VEZT: variants seen among roughly 807,000 people sequenced by gnomAD.
VEZT encodes vezatin, adherens junctions transmembrane protein, also known as vezatin.
Under a neutral mutation model 79.9 loss-of-function variants are expected in VEZT, and 39 were observed. That is an observed-to-expected ratio of 0.49 (90% confidence interval 0.38 to 0.64). The LOEUF (loss-of-function observed/expected upper bound fraction) is 0.64, where lower values mean the gene tolerates loss of function less well. Among genes scored for constraint, VEZT ranks in the 30% least tolerant of loss-of-function variants. The probability of loss-of-function intolerance (pLI) is 0.00; values close to 1 mark genes in which losing one functional copy is unlikely to be tolerated. For missense variants in VEZT, 837 were observed against 893.1 expected, an observed-to-expected ratio of 0.94 and a Z score of 0.80; for synonymous variants, 325 against 327.6, an observed-to-expected ratio of 0.99 and a Z score of 0.09.
intron 1 of VEZT, among the ~76,000 whole-genome samples, chr12:95,219,969 G>A (rs999097915): frequency 3.9e-5 from 6 of 152,104 alleles, no homozygotes; most frequent in Admixed American, 1.3e-4. Context: ...ATTGACTTGC[G>A]TGAGTTCTTC....
chr12:95,222,934 A>C (rs1263530861), intron 1 of VEZT, among the ~76,000 whole-genome samples: 1 of 152,220 alleles, frequency 6.6e-6, no homozygotes, highest in Non-Finnish European at 1.5e-5. Flanking sequence ...TGGGGAAAAG[A>C]GACTGAATGT....
chr12:95,282,372 A>G lies in VEZT; in HGVS notation c.1056A>G (p.Leu352=). ...AGTTCTTCAGACGGTTAGCCCTATT[A>G]CTTTCTACAGCCAATTCACCTCCTG... ...SSEFFRRLAL[L]LSTANSPPGP... The change falls in exon 8 of 12, where the codon TTA becomes TTG. Residue 352 remains leucine (L), a synonymous_variant. Coordinates refer to ENST00000436874, the MANE Select transcript of VEZT (RefSeq NM_017599.4). The G allele has an allele frequency of 6.2e-7, 1 of 1,613,776 alleles. No individual in the cohort carries two copies. The highest frequency in any genetic ancestry group is 2.2e-5 in the East Asian group (1 of 44,894).
chr12:95,254,312 G>T (rs1219506857), intron 2 of VEZT, among the ~76,000 whole-genome samples: 2 of 147,554 alleles, frequency 1.4e-5, no homozygotes, highest in African/African-American at 5.0e-5. Context: ...TTTAACTGTA[G>T]GATCTATATT....
intron 5 of VEZT, among the ~76,000 whole-genome samples, chr12:95,268,187 A>AG (rs2065883535): frequency 6.6e-6 from 1 of 151,960 alleles, no homozygotes; most frequent in Non-Finnish European, 1.5e-5. Flanking sequence ...GTTTAAAAAA[A>AG]TCATGCTTAA....
chr12:95,282,049 T>C (rs1411728427), intron 7 of VEZT, among the ~76,000 whole-genome samples: 1 of 152,074 alleles, frequency 6.6e-6, no homozygotes, highest in African/African-American at 2.4e-5. Context: ...AATTATCTCA[T>C]TCCATCAACA....
chr12:95,257,792 A>G (rs957423098), intron 3 of VEZT, among the ~76,000 whole-genome samples: 2 of 152,212 alleles, frequency 1.3e-5, no homozygotes, highest in Non-Finnish European at 2.9e-5. Context: ...ACAAGTAAGC[A>G]GGTTTCAGGA....
chr12:95,243,063 GGA>G (rs745835182), intron 1 of VEZT, among the ~76,000 whole-genome samples: 2 of 151,936 alleles, frequency 1.3e-5, no homozygotes, highest in Non-Finnish European at 2.9e-5. Context: ...GTATTTTAAG[GGA>G]GAGAATACTA....
intron 7 of VEZT, among the ~76,000 whole-genome samples, chr12:95,281,811 G>T (rs1012204482): frequency 3.3e-5 from 5 of 152,086 alleles, no homozygotes; most frequent in African/African-American, 7.2e-5. Context: ...CTCCCAAAGT[G>T]AGCCACTGCG....
intron 8 of VEZT, chr12:95,286,401 C>T (rs1428424960): frequency 2.0e-6 from 1 of 509,562 alleles, no homozygotes; most frequent in Admixed American, 2.4e-5. Context: ...GTGCCAGCAC[C>T]AAGTCTGCCT....
chr12:95,278,446 G>A (rs1161124443), intron 7 of VEZT, among the ~76,000 whole-genome samples: 1 of 152,172 alleles, frequency 6.6e-6, no homozygotes, highest in African/African-American at 2.4e-5. Flanking sequence ...TCTGAAAGGA[G>A]CCTTATCTTG....
intron 1 of VEZT, among the ~76,000 whole-genome samples, chr12:95,248,921 G>A (rs558025241): frequency 3.9e-5 from 6 of 152,096 alleles, no homozygotes; most frequent in Admixed American, 6.5e-5. Flanking sequence ...ATTTGCCACC[G>A]TGACCCGTAC....
At chr12:95,272,726 C>T (rs2066873823) in intron 6 of VEZT, among the ~76,000 whole-genome samples, 1 of 152,190 alleles carries the variant, frequency 6.6e-6, no homozygotes, top group Non-Finnish European at 1.5e-5. Flanking sequence ...TGCAGCTGCA[C>T]AGCAGCAACT....
At chr12:95,226,176 C>T (rs1224326209) in intron 1 of VEZT, among the ~76,000 whole-genome samples, 1 of 151,900 alleles carries the variant, frequency 6.6e-6, no homozygotes, top group East Asian at 1.9e-4. Flanking sequence ...CTTCCACCTT[C>T]CAAATCTCTT....
chr12:95,274,025 T>A (rs2067143996), intron 6 of VEZT, among the ~76,000 whole-genome samples: 1 of 152,230 alleles, frequency 6.6e-6, no homozygotes, highest in African/African-American at 2.4e-5. Flanking sequence ...GTGCCACTTA[T>A]ATCAGTCTGT....
intron 2 of VEZT, among the ~76,000 whole-genome samples, chr12:95,255,728 G>A (rs2063360280): frequency 6.6e-6 from 1 of 152,176 alleles, no homozygotes; most frequent in East Asian, 1.9e-4. Flanking sequence ...ACCGCCCCCG[G>A]CCTTGAATAT....
At chr12:95,293,319 C>T (rs1220307547) in intron 9 of VEZT, among the ~76,000 whole-genome samples, 1 of 152,202 alleles carries the variant, frequency 6.6e-6, no homozygotes, top group Non-Finnish European at 1.5e-5. Flanking sequence ...TTTTTTGTAA[C>T]ATTTCCCAAA....
chr12:95,240,031 AG>A (rs2060764927), intron 1 of VEZT, among the ~76,000 whole-genome samples: 1 of 89,188 alleles, frequency 1.1e-5, no homozygotes, highest in African/African-American at 4.1e-5. Context: ...AAAGGAAGGA[AG>A]GAAGGAAGGA....
chr12:95,300,471 C>T lies in VEZT; in HGVS notation c.2138C>T (p.Thr713Ile). 1 of 1,613,988 alleles carries T rather than the reference C, an allele frequency of 6.2e-7. No individual in the cohort carries two copies. Among genetic ancestry groups the T allele is most frequent in the Non-Finnish European group, 8.5e-7 (1 of 1,179,870 alleles). The change falls in exon 12 of 12, where the codon ACT becomes ATT. Residue 713 changes from threonine (T) to isoleucine (I), a missense_variant. Thr to Ile is a moderately conservative substitution (Grantham distance 89, BLOSUM62 -1). Transcript: ENST00000436874. ...DGSGLTTAPP[T>I]PRDSLQPSIK... Reference sequence around the variant, plus strand: ...AGTGGTCTGACCACTGCCCCTCCAACTCCCAGGGACTCATTACAGCCCTCC... The same window carrying T: ...AGTGGTCTGACCACTGCCCCTCCAATTCCCAGGGACTCATTACAGCCCTCC...
chr12:95,296,236 G>A lies in VEZT; in HGVS notation c.1809G>A (p.Lys603=). 6.3e-7 allele frequency: 1 copy of A among 1,584,690 alleles called. No individual in the cohort carries two copies. Among genetic ancestry groups the A allele is most frequent in the Non-Finnish European group, 8.6e-7 (1 of 1,164,534 alleles). The stretch of plus-strand genomic sequence containing the variant: ...CAGAGGCAGAAAGGCAGAAGTGGAA[G>A]CAACTTCTATTTAGTGATCATGGTA... The part of the protein sequence containing the change: ...KASEAERQKW[K]QLLFSDHAVL... Residue 603 remains lysine, a synonymous_variant, in exon 11 of 12, where the codon AAG becomes AAA. Coordinates refer to ENST00000436874, the MANE Select transcript of VEZT (RefSeq NM_017599.4).
Sources: gnomAD v4.1 joint callset for allele counts (sites outside exome capture counted in the v4.1 genomes callset) on GRCh38, gnomAD v4.1.1 for gene constraint, MANE v1.5 for transcripts, NCBI Gene and HGNC (gene_info 2026-07-23, HGNC 2026-07-21) for gene names.